PVT1: variants seen among roughly 807,000 people sequenced by gnomAD.
The protein encoded by PVT1 is Pvt1 oncogene.
In PVT1 at chr8:127,927,567, G is replaced by A. The variant is rs183510842; in HGVS notation, n.782+36569G>A. ...GCATGGTCCAGGATCTGTGGGGCCT[G>A]TCTTCTTTACCACTTTGCTCACTTC... On this transcript the variant is annotated intron_variant and non_coding_transcript_variant, in intron 3 of 10. Coordinates refer to ENST00000651587, the Ensembl canonical transcript of PVT1. 2.8e-3 allele frequency among the ~76,000 whole-genome samples: 423 copies of A among 152,288 alleles called. 3 individuals carry two copies. The highest frequency in any genetic ancestry group is 9.8e-3 in the African/African-American group (406 of 41,554).
chr8:127,859,367 A>G (rs1418381635), intron 2 of PVT1, among the ~76,000 whole-genome samples: 1 of 152,108 alleles, frequency 6.6e-6, no homozygotes, highest in Non-Finnish European at 1.5e-5. Context: ...ATGACCTTCT[A>G]TTGAGGAACA....
At chr8:128,074,933 G>A (rs953814072) in intron 5 of PVT1, among the ~76,000 whole-genome samples, 10 of 152,176 alleles carry the variant, frequency 6.6e-5, no homozygotes, top group African/African-American at 1.9e-4. Context: ...CATATGTACT[G>A]ATAAATGCAG....
intron 2 of PVT1, among the ~76,000 whole-genome samples, chr8:127,864,628 A>G (rs2129757475): frequency 6.6e-6 from 1 of 151,788 alleles, no homozygotes; most frequent in African/African-American, 2.4e-5. Context: ...GCTCACTGCC[A>G]GCTCCGCCTC....
At chr8:127,987,171 G>GCTTA in intron 3 of PVT1, among the ~76,000 whole-genome samples, 1 of 152,342 alleles carries the variant, frequency 6.6e-6, no homozygotes, top group East Asian at 1.9e-4. Flanking sequence ...TACAGAATTT[G>GCTTA]CTAGTAAAGG....
chr8:127,878,029 C>T (rs56255736), intron 2 of PVT1, among the ~76,000 whole-genome samples: 20,890 of 152,152 alleles, frequency 0.14, 1,882 homozygotes, highest in African/African-American at 0.26. Flanking sequence ...AAGTGCAGGT[C>T]CTGCTGTTCT....
chr8:127,957,628 C>G (rs1816587422), intron 3 of PVT1, among the ~76,000 whole-genome samples: 1 of 149,968 alleles, frequency 6.7e-6, no homozygotes, highest in Non-Finnish European at 1.5e-5. Flanking sequence ...CCATGGGGGA[C>G]ATGGTCTTCA....
At chr8:128,099,003 T>A (rs995537379) in intron 6 of PVT1, among the ~76,000 whole-genome samples, 1 of 152,250 alleles carries the variant, frequency 6.6e-6, no homozygotes, top group African/African-American at 2.4e-5. Flanking sequence ...ACGAAAGTTA[T>A]CTTCCTTTGC....
intron 3 of PVT1, among the ~76,000 whole-genome samples, chr8:127,894,473 C>T (rs1459039213): frequency 6.6e-6 from 1 of 152,216 alleles, no homozygotes; most frequent in Admixed American, 6.5e-5. Flanking sequence ...ATGGAGAGAG[C>T]AGAGAAGCTG....
At chr8:127,846,289 G>GT (rs1815033133) in intron 2 of PVT1, among the ~76,000 whole-genome samples, 1 of 152,184 alleles carries the variant, frequency 6.6e-6, no homozygotes, top group East Asian at 1.9e-4. Context: ...TGAGTCCCTG[G>GT]TGGGTGTCCA....
chr8:127,970,491 G>A (rs374210421), intron 3 of PVT1, among the ~76,000 whole-genome samples: 2 of 151,812 alleles, frequency 1.3e-5, no homozygotes, highest in East Asian at 1.9e-4. Context: ...AATAGAGATA[G>A]GGTTTCACCG....
chr8:128,034,234 C>T (rs1481044519), intron 4 of PVT1, among the ~76,000 whole-genome samples: 1 of 150,758 alleles, frequency 6.6e-6, no homozygotes, highest in African/African-American at 2.4e-5. Context: ...CTGTGCCAAA[C>T]ATAAATCCAG....
chr8:128,097,572 G>C (rs1396013148), intron 6 of PVT1, among the ~76,000 whole-genome samples: 6 of 152,124 alleles, frequency 3.9e-5, no homozygotes, highest in African/African-American at 7.2e-5. Context: ...GCAGGATTAG[G>C]CAGTACTGAC....
At chr8:127,890,466 T>C (rs995680020) in intron 2 of PVT1, 2 of 152,250 alleles carry the variant, frequency 1.3e-5, no homozygotes, top group East Asian at 1.9e-4. Context: ...TTACCAGTTA[T>C]GGAGAATTAT....
At chr8:127,839,799 A>G (rs1260134328) in intron 2 of PVT1, among the ~76,000 whole-genome samples, 1 of 152,102 alleles carries the variant, frequency 6.6e-6, no homozygotes, top group East Asian at 1.9e-4. Flanking sequence ...AACATGGATC[A>G]TGGGGGTGGT....
chr8:127,941,611 G>A (rs1816351146), intron 3 of PVT1, among the ~76,000 whole-genome samples: 1 of 152,236 alleles, frequency 6.6e-6, no homozygotes, highest in South Asian at 2.1e-4. Context: ...TACTCTAGTG[G>A]TAGAAATGTC....
chr8:127,882,334 A>T (rs1216220842), intron 2 of PVT1, among the ~76,000 whole-genome samples: 1 of 152,046 alleles, frequency 6.6e-6, no homozygotes, highest in Non-Finnish European at 1.5e-5. Flanking sequence ...CTGGGAACAG[A>T]TCTCCCCGAT....
At chr8:128,045,487 A>G (rs1207873815) in intron 4 of PVT1, among the ~76,000 whole-genome samples, 1 of 152,220 alleles carries the variant, frequency 6.6e-6, no homozygotes, top group African/African-American at 2.4e-5. Context: ...TAAGTGTTAT[A>G]TGCTTTTTAA....
intron 2 of PVT1, among the ~76,000 whole-genome samples, chr8:127,840,824 C>T (rs10217057): frequency 0.034 from 5,248 of 152,350 alleles, 237 homozygotes; most frequent in East Asian, 0.14. Context: ...TCTCAGGCCA[C>T]GCTACAGCCA....
intron 2 of PVT1, among the ~76,000 whole-genome samples, chr8:127,845,637 G>T (rs957355594): frequency 1.3e-5 from 2 of 152,228 alleles, no homozygotes; most frequent in African/African-American, 4.8e-5. Flanking sequence ...CCTACCGGAT[G>T]GGATTATGCA....
Sources: allele counts gnomAD v4.1 joint callset (sites outside exome capture counted in the v4.1 genomes callset), GRCh38; gene constraint gnomAD v4.1.1; transcripts MANE v1.5; gene names NCBI Gene and HGNC (gene_info 2026-07-23, HGNC 2026-07-21).